FAM234A: variants seen among roughly 807,000 people sequenced by gnomAD.
The protein encoded by FAM234A is protein FAM234A.
A neutral mutation model predicts 49.1 loss-of-function variants in FAM234A; 42 were observed. The ratio of observed to expected loss-of-function variants is 0.86; its 90% CI spans 0.67 to 1.11. The LOEUF (loss-of-function observed/expected upper bound fraction) is 1.11, where lower values mean the gene tolerates loss of function less well. FAM234A is among the 50% of genes least tolerant of loss of function. The probability of loss-of-function intolerance (pLI) is 0.00; values close to 1 mark genes in which losing one functional copy is unlikely to be tolerated. For missense variants in FAM234A, 815 were observed against 745.2 expected (o/e 1.09, Z -1.09); for synonymous variants, 369 against 316.2 (o/e 1.17, Z -1.77).
chr16:264,866 A>C lies in FAM234A; in HGVS notation c.1503A>C (p.Ala501=), dbSNP rs2051634390. 6.2e-7 allele frequency: 1 copy of C among 1,612,502 alleles called. No homozygotes were observed. Among genetic ancestry groups the C allele is most frequent in the Non-Finnish European group, 8.5e-7 (1 of 1,179,948 alleles). The part of the protein sequence containing the change: ...HAAYILLTGP[A]DSEAPGLVSV... ...CCTACATCCTTCTGACAGGCCCGGC[A>C]GACTCAGAGGCACCCGGCCTGGTCT... Residue 501 remains alanine, a synonymous_variant, in exon 13 of 13, where the codon GCA becomes GCC. Transcript: ENST00000399932.
chr16:257,184 ACT>A (rs2141304254), intron 3 of FAM234A, among the ~76,000 whole-genome samples: 3 of 133,904 alleles, frequency 2.2e-5, no homozygotes, highest in African/African-American at 8.6e-5. Flanking sequence ...CAGCCTTTCC[ACT>A]CTCTTGATAG....
Position 254,410 on chromosome 16 carries a change from C to G in FAM234A, c.-4C>G, listed in dbSNP as rs117105880. ...CAGGAGTTAAACTTTGGGATGTGCC[C>G]GTGATGTTGGACCACAAGGACTTAG... On this transcript the variant is annotated 5_prime_UTR_variant, in exon 3 of 13. Coordinates refer to ENST00000399932, the MANE Select transcript of FAM234A (RefSeq NM_032039.4). 1.2e-6 allele frequency: 2 copies of G among 1,613,482 alleles called. No homozygotes were observed. Among genetic ancestry groups the G allele is most frequent in the Non-Finnish European group, 1.7e-6 (2 of 1,179,734 alleles).
At chr16:258,972 CAG>C (rs1482631436) in intron 3 of FAM234A, among the ~76,000 whole-genome samples, 1 of 152,136 alleles carries the variant, frequency 6.6e-6, no homozygotes, top group South Asian at 2.1e-4. Context: ...TTAGTAGAGA[CAG>C]GGTTTCACAC....
chr16:241,761 C>T (rs1156343214), intron 1 of FAM234A, among the ~76,000 whole-genome samples: 7 of 150,988 alleles, frequency 4.6e-5, no homozygotes, highest in South Asian at 2.1e-4. Flanking sequence ...ACTAAAAATA[C>T]AAAAAATTAG....
intron 1 of FAM234A, among the ~76,000 whole-genome samples, chr16:246,225 T>A (rs1388457829): frequency 8.0e-5 from 12 of 149,660 alleles, no homozygotes; most frequent in African/African-American, 2.2e-4. Flanking sequence ...AAAAAAATAA[T>A]AATAATAATA....
Position 236,587 on chromosome 16 carries a change from C to T in FAM234A, c.-140+1730C>T, listed in dbSNP as rs140971614. Among the ~76,000 whole-genome samples the T allele has an allele frequency of 3.2e-4, 47 of 148,942 alleles. 1 individual carries two copies. The highest frequency in any genetic ancestry group is 1.3e-4 in the Non-Finnish European group (9 of 67,232). On this transcript the variant is annotated intron_variant, in intron 1 of 12. Transcript: ENST00000399932. ...GCAGTGAGCCGAGATTGCACCACTACGCTCTGGAGACATAGCGAGACTGTC... is the reference window on the plus strand; with the variant it reads ...GCAGTGAGCCGAGATTGCACCACTATGCTCTGGAGACATAGCGAGACTGTC...
At chr16:261,598 C>T (rs1003174642) in intron 6 of FAM234A, 84 bp downstream of exon 6, 2 of 1,473,144 alleles carry the variant, frequency 1.4e-6, no homozygotes, top group South Asian at 2.5e-5. Flanking sequence ...GCTGCCACTT[C>T]CCAGACAGGA....
At chr16:259,698 G>C in intron 4 of FAM234A, 99 bp downstream of exon 4, 1 of 822,826 alleles carries the variant, frequency 1.2e-6, no homozygotes, top group South Asian at 1.5e-5. Flanking sequence ...GGAAGCAGAT[G>C]GTGGTGTTTC....
chr16:253,476 A>G (rs924335406), intron 2 of FAM234A, among the ~76,000 whole-genome samples: 23 of 151,660 alleles, frequency 1.5e-4, no homozygotes, highest in Admixed American at 1.4e-3. Context: ...CTTTATATGC[A>G]TTTAATTTTT....
In FAM234A at chr16:260,065, A is replaced by T. The variant is rs1182710209; in HGVS notation, c.482A>T (p.Glu161Val). The T allele has an allele frequency of 1.9e-6, 3 of 1,613,736 alleles. No homozygotes were observed. The South Asian group carries it at 3.3e-5, about 18-fold the overall frequency. Residue 161 changes from glutamate (E) to valine (V), a missense_variant, in exon 5 of 13, where the codon GAG (glutamate) becomes GTG (valine). Transcript: ENST00000399932. ...GTGGCCCAAGACGTGGCCCTCGTGG[A>T]GTGTGCTGTGCCCCAGCCAAGAGGC... ...RPVAQDVALVECAVPQPRGSE... is the reference protein window; with the variant it reads ...RPVAQDVALVVCAVPQPRGSE...
intron 8 of FAM234A, 39 bp downstream of exon 8, chr16:262,592 C>A: frequency 6.6e-7 from 1 of 1,525,476 alleles, no homozygotes; most frequent in South Asian, 1.3e-5. Context: ...GCAGAGCGCC[C>A]ACCCCATGGC....
chr16:268,582 C>T (rs138797785), downstream of FAM234A: 21 of 617,884 alleles, frequency 3.4e-5, no homozygotes, highest in Admixed American at 1.9e-4. Flanking sequence ...AATCGGGCCT[C>T]GTCAGTGGGG....
At chr16:269,219 A>C (rs1376038226), downstream of FAM234A, 1 of 1,328,416 alleles carries the variant, frequency 7.5e-7, no homozygotes, top group Non-Finnish European at 1.1e-6. Context: ...TGCTGCATTC[A>C]CGCAGGACGT....
At chr16:240,821 C>A (rs1003601058) in intron 1 of FAM234A, among the ~76,000 whole-genome samples, 1 of 151,996 alleles carries the variant, frequency 6.6e-6, no homozygotes, top group Non-Finnish European at 1.5e-5. Context: ...ATTTTTAATC[C>A]ATTGACAAAA....
intron 1 of FAM234A, among the ~76,000 whole-genome samples, chr16:239,507 C>T (rs868218904): frequency 4.7e-5 from 7 of 148,540 alleles, no homozygotes; most frequent in Non-Finnish European, 8.9e-5. Flanking sequence ...CCCAGCTACT[C>T]GGGAGGCTGA....
At chr16:268,077 C>T (rs2051754351), downstream of FAM234A, among the ~76,000 whole-genome samples, 1 of 144,732 alleles carries the variant, frequency 6.9e-6, no homozygotes, top group Non-Finnish European at 1.5e-5. Flanking sequence ...ACATGCTATG[C>T]GTACACACAC....
Position 264,831 on chromosome 16 carries a change from C to T in FAM234A, c.1468C>T (p.Arg490Cys), listed in dbSNP as rs748816611. Reference protein sequence around the residue: ...AFDAVLFEPSRHAAYILLTGP... With the variant: ...AFDAVLFEPSCHAAYILLTGP... ...TGCAGCCGTCCTGTTTGAGCCAAGC[C>T]GCCACGCCGCCTACATCCTTCTGAC... Residue 490 changes from arginine (R) to cysteine (C), a missense_variant, in exon 13 of 13, where the codon CGC (arginine) becomes TGC (cysteine). Transcript: ENST00000399932. 88 of 1,610,556 alleles carry T rather than the reference C, an allele frequency of 5.5e-5. No homozygotes were observed. In the South Asian group the frequency reaches 5.9e-4, roughly 11 times the overall value.
intron 2 of FAM234A, among the ~76,000 whole-genome samples, chr16:251,719 C>A (rs1388518586): frequency 9.3e-6 from 1 of 107,196 alleles, no homozygotes; most frequent in Non-Finnish European, 1.7e-5. Flanking sequence ...GAGATGGGGT[C>A]TTGGCCAGGC....
chr16:253,214 C>T (rs1273853270), intron 2 of FAM234A, among the ~76,000 whole-genome samples: 1 of 152,160 alleles, frequency 6.6e-6, no homozygotes, highest in African/African-American at 2.4e-5. Context: ...CCGCATCCAC[C>T]CCCGGTCCGG....
Sources: gnomAD v4.1 joint callset for allele counts (sites outside exome capture counted in the v4.1 genomes callset) on GRCh38, gnomAD v4.1.1 for gene constraint, MANE v1.5 for transcripts, NCBI Gene and HGNC (gene_info 2026-07-23, HGNC 2026-07-21) for gene names.